The following TTYH3 variants were observed in gnomAD, a reference collection of about 807,000 sequenced individuals.
TTYH3 encodes tweety family member 3.
Under a neutral mutation model 68.2 loss-of-function variants are expected in TTYH3, and 23 were observed. That is an observed-to-expected ratio of 0.34 (90% CI 0.24 to 0.48). TTYH3 has a LOEUF of 0.48. Ranked by LOEUF, TTYH3 falls within the 20% of genes least tolerant of loss-of-function variation. The pLI is 0.99. For synonymous variants in TTYH3, 360 were observed against 332.8 expected (o/e 1.08, Z -0.89); for missense variants, 768 against 727.7 (o/e 1.06, Z -0.64).
intron 9 of TTYH3, among the ~76,000 whole-genome samples, chr7:2,655,444 C>T (rs574257095): frequency 6.6e-6 from 1 of 152,372 alleles, no homozygotes; most frequent in East Asian, 1.9e-4. Context: ...CCGCTCCCGG[C>T]CCCAAAATCC....
At chr7:2,649,818 T>C (rs1212261066) in intron 6 of TTYH3, 95 bp from the exon 7 acceptor site, 7 of 1,496,364 alleles carry the variant, frequency 4.7e-6, no homozygotes, top group Non-Finnish European at 6.5e-6. Flanking sequence ...CCCTCCTGAG[T>C]TGAAAGCAGA....
At position 2,662,130 on chromosome 7, in the gene TTYH3, C is replaced by CT. The variant is rs1266830269; in HGVS notation, c.*393dup. On this transcript the variant is annotated 3_prime_UTR_variant, in exon 14 of 14. Transcript: ENST00000258796. Reference sequence around the variant, plus strand: ...CGCCCGGCACTTCTGTGGACCCCTTCTTAGTTCACAGGCACGGCTGGGGCC... The same window carrying CT: ...CGCCCGGCACTTCTGTGGACCCCTTCTTTAGTTCACAGGCACGGCTGGGGCC... 4.9e-6 allele frequency: 2 copies of CT among 408,162 alleles called. No homozygotes were observed. Among genetic ancestry groups the CT allele is most frequent in the African/African-American group, 2.1e-5 (1 of 48,104 alleles). 25.3% of individuals were successfully genotyped at this position (408,162 alleles called of 1,614,324 possible). A position where few individuals can be genotyped will look rare whatever the true frequency, so the allele number is the denominator to read the frequency against.
chr7:2,642,245 A>T (rs552603909), intron 1 of TTYH3, among the ~76,000 whole-genome samples: 1 of 152,222 alleles, frequency 6.6e-6, no homozygotes, highest in East Asian at 1.9e-4. Context: ...AAATTTTTTT[A>T]AAAATTAGGG....
Position 2,658,927 on chromosome 7 carries a change from C to G in TTYH3, c.1425-13C>G, listed in dbSNP as rs747768944. ...CAGCAGGCACTCACAGCCTCTCTCC[C>G]CTCATGCCTCAGGAGCCAGAACGCT... On this transcript the variant is annotated splice_polypyrimidine_tract_variant and intron_variant, in intron 12 of 13. Transcript: ENST00000258796. 6.2e-7 allele frequency: 1 copy of G among 1,613,824 alleles called. No homozygotes were observed. The highest frequency in any genetic ancestry group is 1.7e-4 in the Middle Eastern group (1 of 6,058).
intron 1 of TTYH3, among the ~76,000 whole-genome samples, chr7:2,646,299 G>A (rs1785979210): frequency 6.6e-6 from 1 of 152,248 alleles, no homozygotes; most frequent in Non-Finnish European, 1.5e-5. Flanking sequence ...ACAGGCGTGA[G>A]CCACCCTGCC....
At chr7:2,651,969 G>A (rs1481446646) in intron 7 of TTYH3, among the ~76,000 whole-genome samples, 1 of 152,022 alleles carries the variant, frequency 6.6e-6, no homozygotes, top group African/African-American at 2.4e-5. Flanking sequence ...CATGCACACC[G>A]GCACACGTGC....
rs1335276863 is a variant in TTYH3, at chr7:2,636,775, G to A, written c.123+4497G>A. 2.0e-5 allele frequency among the ~76,000 whole-genome samples: 3 copies of A among 146,602 alleles called. No individual in the cohort carries two copies. In the East Asian group the frequency reaches 6.2e-4, roughly 31 times the overall value. ...GCTGAGCTTGCCTTTTGGCCAGGGG[G>A]TGTGAAGCTGTGGGCCCTGGACCTG... On this transcript the variant is annotated intron_variant, in intron 1 of 13. Transcript: ENST00000258796.
rs1265287631 is a variant in TTYH3, at chr7:2,645,813, A to G, written c.124-1040A>G. ...AGCAAGAGGGGGTTCAGTCCCCCAC[A>G]GGCTCCCAATTTCCCTACCAGACCT... On this transcript the variant is annotated intron_variant, in intron 1 of 13. Coordinates refer to ENST00000258796, the MANE Select transcript of TTYH3 (RefSeq NM_025250.3). This position sits in a 1 kb window ranked among gnomAD's most constrained non-coding sequence, Gnocchi z 4.8. 4.2e-6 allele frequency: 2 copies of G among 470,832 alleles called. No individual in the cohort carries two copies. Among genetic ancestry groups the G allele is most frequent in the Non-Finnish European group, 8.8e-6 (2 of 227,002 alleles). The allele number at this position is 470,832 out of a possible 1,614,324, so 29.2% of individuals were successfully genotyped here.
chr7:2,634,490 C>G (rs1012613374), intron 1 of TTYH3, among the ~76,000 whole-genome samples: 5 of 149,246 alleles, frequency 3.4e-5, no homozygotes, highest in Non-Finnish European at 7.4e-5. Context: ...TCCCTCTTAG[C>G]TGTCTCTGTG....
Position 2,649,906 on chromosome 7 carries a change from A to G in TTYH3, c.796-7A>G. 6 of 1,613,362 alleles carry G rather than the reference A, an allele frequency of 3.7e-6. No homozygotes were observed. The highest frequency in any genetic ancestry group is 5.1e-6 in the Non-Finnish European group (6 of 1,179,814). ...CAACCCCTCTTGCTTGCCCACGCCC[A>G]CCTCAGGGCTCCAGCGACTTCTGTG... On this transcript the variant is annotated splice_region_variant and splice_polypyrimidine_tract_variant and intron_variant, in intron 6 of 13. Coordinates refer to ENST00000258796, the MANE Select transcript of TTYH3 (RefSeq NM_025250.3).
At position 2,661,947 on chromosome 7, in the gene TTYH3, A is replaced by G; in HGVS notation, c.*208A>G. 1 of 617,200 alleles carries G rather than the reference A, an allele frequency of 1.6e-6. No individual in the cohort carries two copies. Among genetic ancestry groups the G allele is most frequent in the Admixed American group, 2.8e-5 (1 of 35,650 alleles). The allele number at this position is 617,200 out of a possible 1,614,324, so 38.2% of individuals were successfully genotyped here. On this transcript the variant is annotated 3_prime_UTR_variant, in exon 14 of 14. Transcript: ENST00000258796. ...TGGGCCCGTACCGCCAACTCGGGTC[A>G]CACCTGAACGCTGCTGCCAGCCGAT...
At position 2,659,818 on chromosome 7, in the gene TTYH3, C is replaced by A. The variant is rs976069602; in HGVS notation, c.1500+803C>A. 4 of 1,199,804 alleles carry A rather than the reference C, an allele frequency of 3.3e-6. No homozygotes were observed. In the Admixed American group the frequency reaches 8.4e-5, roughly 25 times the overall value. 74.3% of individuals were successfully genotyped at this position (1,199,804 alleles called of 1,614,324 possible). ...ACACAGGTGCAGGCCCAGTCCCGCT[C>A]GGCTGCCCTCGTCCTCGCCATCACA... is the stretch of plus-strand genomic sequence containing the variant. On this transcript the variant is annotated intron_variant, in intron 13 of 13. Transcript: ENST00000258796.
At chr7:2,644,097 C>T (rs1006600480) in intron 1 of TTYH3, among the ~76,000 whole-genome samples, 5 of 152,182 alleles carry the variant, frequency 3.3e-5, no homozygotes, top group African/African-American at 4.8e-5. Context: ...ACATGGCCCC[C>T]AGGCCATGGG....
intron 1 of TTYH3, among the ~76,000 whole-genome samples, chr7:2,633,606 A>G (rs1785583605): frequency 6.6e-6 from 1 of 152,216 alleles, no homozygotes; most frequent in African/African-American, 2.4e-5. Flanking sequence ...GTGTGGGGGC[A>G]ATGCACATTC....
chr7:2,650,872 A>C (rs564772314), intron 7 of TTYH3, among the ~76,000 whole-genome samples: 2 of 152,110 alleles, frequency 1.3e-5, no homozygotes, highest in Non-Finnish European at 2.9e-5. Context: ...CAAAAGGTGG[A>C]CAGGGATGGG....
chr7:2,650,468 C>G (rs1243281679), intron 7 of TTYH3, among the ~76,000 whole-genome samples: 1 of 152,076 alleles, frequency 6.6e-6, no homozygotes, highest in East Asian at 1.9e-4. Context: ...ATCCCAGCTA[C>G]TCCGGAGACT....
chr7:2,659,031 G>A lies in TTYH3; in HGVS notation c.1500+16G>A, dbSNP rs746569034. The A allele has an allele frequency of 3.7e-6, 6 of 1,612,590 alleles. No homozygotes were observed. Among genetic ancestry groups the A allele is most frequent in the Non-Finnish European group, 5.1e-6 (6 of 1,178,990 alleles). ...GCCGCCCTCAGTAAGTCTTGGGGCA[G>A]GAGGGTGGATGGGGGGCTGCTCAGC... is the stretch of plus-strand genomic sequence containing the variant. On this transcript the variant is annotated intron_variant, in intron 13 of 13. Coordinates refer to ENST00000258796, the MANE Select transcript of TTYH3 (RefSeq NM_025250.3).
In TTYH3 at chr7:2,645,640, G is replaced by C; in HGVS notation, c.124-1213G>C. On this transcript the variant is annotated intron_variant, in intron 1 of 13. Coordinates refer to ENST00000258796, the MANE Select transcript of TTYH3 (RefSeq NM_025250.3). This position sits in a 1 kb window ranked among gnomAD's most constrained non-coding sequence, Gnocchi z 4.8. Reference sequence around the variant, plus strand: ...TGTATGCAGCCTGTAGCAGTGTGGGGCCAGCCCCACCATCTCATCCAGCGT... The same window carrying C: ...TGTATGCAGCCTGTAGCAGTGTGGGCCCAGCCCCACCATCTCATCCAGCGT... The C allele has an allele frequency of 2.6e-6, 1 of 388,688 alleles. No individual in the cohort carries two copies. The highest frequency in any genetic ancestry group is 5.3e-6 in the Non-Finnish European group (1 of 188,172). The allele number at this position is 388,688 out of a possible 1,614,324, so 24.1% of individuals were successfully genotyped here. A position where few individuals can be genotyped will look rare whatever the true frequency, so the allele number is the denominator to read the frequency against.
At position 2,656,492 on chromosome 7, in the gene TTYH3, G is replaced by A. The variant is rs1211261512; in HGVS notation, c.1208G>A (p.Ser403Asn). 6.2e-7 allele frequency: 1 copy of A among 1,610,856 alleles called. No individual in the cohort carries two copies. Among genetic ancestry groups the A allele is most frequent in the Admixed American group, 1.7e-5 (1 of 59,832 alleles). ...TCCTTCGTCACAGCCCTCATGTTCA[G>A]CTCCATCGTCTGCAGCGTCCCGCAC... is the stretch of plus-strand genomic sequence containing the variant. ...LFSFVTALMF[S>N]SIVCSVPHTW... The change falls in exon 11 of 14, where the codon AGC becomes AAC. Residue 403 changes from serine to asparagine, a missense_variant. By Grantham distance (46) the Ser-to-Asn change is conservative. Transcript: ENST00000258796.
Sources: gnomAD v4.1 joint callset for allele counts (sites outside exome capture counted in the v4.1 genomes callset) on GRCh38, gnomAD v4.1.1 for gene constraint, Gnocchi (gnomAD v3.1) non-coding constraint, MANE v1.5 for transcripts, NCBI Gene and HGNC (gene_info 2026-07-23, HGNC 2026-07-21) for gene names.